SLC8A3: variants seen among roughly 807,000 people sequenced by gnomAD.
SLC8A3 encodes solute carrier family 8 member A3.
A neutral mutation model predicts 65.4 loss-of-function variants in SLC8A3; 37 were observed. The ratio of observed to expected loss-of-function variants is 0.57; its 90% CI spans 0.44 to 0.74. SLC8A3 has a LOEUF of 0.74. SLC8A3 is among the 30% of genes least tolerant of loss of function. The probability of loss-of-function intolerance (pLI) is 0.00; values close to 1 mark genes in which losing one functional copy is unlikely to be tolerated. For missense variants in SLC8A3, 1,112 were observed against 1,172.1 expected, an observed-to-expected ratio of 0.95 and a Z score of 0.75; for synonymous variants, 461 against 444.5, an observed-to-expected ratio of 1.04 and a Z score of -0.47.
chr14:70,047,656 G>A (rs947917881), intron 6 of SLC8A3: 1 of 152,234 alleles, frequency 6.6e-6, no homozygotes, highest in Admixed American at 6.5e-5. Context: ...TGTTTGCTTG[G>A]TACAGGAAAG....
intron 2 of SLC8A3, among the ~76,000 whole-genome samples, chr14:70,159,994 C>G (rs529771795): frequency 6.6e-6 from 1 of 152,178 alleles, no homozygotes; most frequent in Non-Finnish European, 1.5e-5. Flanking sequence ...CACCAACCAA[C>G]TGTGGGTGCC....
intron 2 of SLC8A3, among the ~76,000 whole-genome samples, chr14:70,098,819 T>C (rs1333275582): frequency 2.0e-5 from 3 of 152,198 alleles, no homozygotes; most frequent in Non-Finnish European, 4.4e-5. Flanking sequence ...GTGCCGACTC[T>C]GGAGTTCCTG....
At chr14:70,186,016 T>C (rs1883178489) in intron 1 of SLC8A3, among the ~76,000 whole-genome samples, 1 of 152,162 alleles carries the variant, frequency 6.6e-6, no homozygotes, top group Non-Finnish European at 1.5e-5. Flanking sequence ...CTTGGCTGTG[T>C]CCCCACCCAA....
chr14:70,126,767 C>T (rs1162912373), intron 2 of SLC8A3, among the ~76,000 whole-genome samples: 2 of 151,932 alleles, frequency 1.3e-5, no homozygotes, highest in Admixed American at 1.3e-4. Context: ...TCCCAAAACC[C>T]AAAATTGAAA....
intron 2 of SLC8A3, among the ~76,000 whole-genome samples, chr14:70,089,421 G>A (rs1257439146): frequency 3.9e-5 from 6 of 152,210 alleles, no homozygotes; most frequent in Non-Finnish European, 7.4e-5. Context: ...AGAGATGCAA[G>A]TGAGAAACAT....
intron 2 of SLC8A3, chr14:70,063,959 A>G: frequency 1.6e-6 from 2 of 1,270,024 alleles, no homozygotes; most frequent in Non-Finnish European, 2.3e-6. Context: ...TATCATAAGC[A>G]AGGAGTAGAG....
chr14:70,128,818 G>A (rs1436076533), intron 2 of SLC8A3, among the ~76,000 whole-genome samples: 1 of 152,092 alleles, frequency 6.6e-6, no homozygotes, highest in East Asian at 1.9e-4. Flanking sequence ...TCCATGATAG[G>A]TGTAGGTATA....
At chr14:70,068,961 A>G (rs1259632192) in intron 2 of SLC8A3, among the ~76,000 whole-genome samples, 1 of 152,134 alleles carries the variant, frequency 6.6e-6, no homozygotes, top group Non-Finnish European at 1.5e-5. Flanking sequence ...CAAGCAATCC[A>G]CTGGCCTCGG....
intron 2 of SLC8A3, among the ~76,000 whole-genome samples, chr14:70,161,821 C>CAGATGTTTAT (rs1352018096): frequency 6.6e-6 from 1 of 152,186 alleles, no homozygotes. Flanking sequence ...TGGAACACTC[C>CAGATGTTTAT]AGATTTTTAT....
chr14:70,113,576 TAA>T (rs748119583), intron 2 of SLC8A3, among the ~76,000 whole-genome samples: 1 of 152,328 alleles, frequency 6.6e-6, no homozygotes, highest in African/African-American at 2.4e-5. Flanking sequence ...CTTTTATTTA[TAA>T]AGTCATTTGT....
intron 2 of SLC8A3, among the ~76,000 whole-genome samples, chr14:70,164,576 T>G (rs1439466191): frequency 6.6e-6 from 1 of 152,166 alleles, no homozygotes. Context: ...GCAAATAAGT[T>G]TGAGGAAGGT....
chr14:70,061,050 G>A, intron 2 of SLC8A3, 111 bp from the exon 3 acceptor site: 1 of 599,610 alleles, frequency 1.7e-6, no homozygotes, highest in South Asian at 2.3e-5. Context: ...ATGCAGTCCA[G>A]TCCCACCATG....
At chr14:70,053,187 C>G (rs893384543) in intron 3 of SLC8A3, among the ~76,000 whole-genome samples, 7 of 152,162 alleles carry the variant, frequency 4.6e-5, no homozygotes, top group Non-Finnish European at 1.5e-5. Context: ...GGGAGCTGTC[C>G]GTGGTGCTGT....
chr14:70,160,641 C>T (rs1476310202), intron 2 of SLC8A3, among the ~76,000 whole-genome samples: 2 of 152,084 alleles, frequency 1.3e-5, no homozygotes, highest in African/African-American at 2.4e-5. Flanking sequence ...GGATACTCTG[C>T]TGCACATGGT....
chr14:70,112,499 C>G (rs1893374873), intron 2 of SLC8A3, among the ~76,000 whole-genome samples: 1 of 152,160 alleles, frequency 6.6e-6, no homozygotes, highest in Non-Finnish European at 1.5e-5. Flanking sequence ...ACAGGTTTCA[C>G]AGCTTCCTGT....
intron 2 of SLC8A3, among the ~76,000 whole-genome samples, chr14:70,162,243 T>C (rs895219740): frequency 6.6e-6 from 1 of 152,204 alleles, no homozygotes; most frequent in African/African-American, 2.4e-5. Context: ...AAGCCTAAGA[T>C]GGGAAAGGGC....
chr14:70,164,399 T>C (rs1247133713), intron 2 of SLC8A3, among the ~76,000 whole-genome samples: 1 of 151,916 alleles, frequency 6.6e-6, no homozygotes, highest in Non-Finnish European at 1.5e-5. Flanking sequence ...ATGAATGAAG[T>C]CTAAAAAATA....
intron 1 of SLC8A3, among the ~76,000 whole-genome samples, chr14:70,180,073 G>A (rs970483356): frequency 2.6e-5 from 4 of 152,114 alleles, no homozygotes; most frequent in South Asian, 2.1e-4. Context: ...GGCCGACATC[G>A]TTCCTGCCCT....
At chr14:70,159,789 G>C (rs575034513) in intron 2 of SLC8A3, among the ~76,000 whole-genome samples, 1 of 152,314 alleles carries the variant, frequency 6.6e-6, no homozygotes, top group African/African-American at 2.4e-5. Context: ...TTCCCAAGCA[G>C]TGCCCAGGAG....
Sources: allele counts gnomAD v4.1 joint callset (sites outside exome capture counted in the v4.1 genomes callset), GRCh38; gene constraint gnomAD v4.1.1; transcripts MANE v1.5; gene names NCBI Gene and HGNC (gene_info 2026-07-23, HGNC 2026-07-21).